Variants in COG4 observed in about 807,000 individuals in gnomAD.
COG4 encodes conserved oligomeric Golgi complex subunit 4.
COG4 carries 65 observed loss-of-function variants against 95.1 expected under a neutral mutation model. That is an observed-to-expected ratio of 0.68 (90% CI 0.56 to 0.84). The LOEUF (loss-of-function observed/expected upper bound fraction) is 0.84. COG4 is among the 40% of genes least tolerant of loss of function. The pLI, the probability that COG4 is intolerant of heterozygous loss-of-function variation, is 0.00. For missense variants in COG4, 1,045 were observed against 989.1 expected, an observed-to-expected ratio of 1.06 and a Z score of -0.76; for synonymous variants, 421 against 374.8, an observed-to-expected ratio of 1.12 and a Z score of -1.42.
At chr16:70,517,357 G>A (rs752025070) in intron 3 of COG4, among the ~76,000 whole-genome samples, 4 of 151,852 alleles carry the variant, frequency 2.6e-5, no homozygotes, top group Non-Finnish European at 2.9e-5. Context: ...ATGGCGAAAG[G>A]TGGAAGGATA....
intron 8 of COG4, among the ~76,000 whole-genome samples, chr16:70,503,600 T>TCCTCAGGAATTA (rs1243582031): frequency 5.4e-5 from 2 of 37,050 alleles, no homozygotes; most frequent in African/African-American, 6.9e-4. Context: ...TTACTCTTTT[T>TCCTCAGGAATTA]TTTTTTTTTT....
At chr16:70,517,791 C>T in intron 2 of COG4, 51 bp from the exon 3 acceptor site, 1 of 1,302,882 alleles carries the variant, frequency 7.7e-7, no homozygotes. Context: ...AGAGAAGAGA[C>T]AGAAACTTTT....
Position 70,482,711 on chromosome 16 carries a change from G to A in COG4, c.1920+18C>T. ...GAGGGGTCATCGGGGCTTGATGGCT[G>A]CCTGTGGCCAGGCTAACCTCCTCGA... On this transcript the variant is annotated intron_variant, in intron 15 of 18. Coordinates refer to ENST00000323786, the MANE Select transcript of COG4 (RefSeq NM_015386.3). 6.2e-7 allele frequency: 1 copy of A among 1,607,960 alleles called. No individual in the cohort carries two copies. Among genetic ancestry groups the A allele is most frequent in the Non-Finnish European group, 8.5e-7 (1 of 1,174,664 alleles).
rs1310467130 is a variant in COG4, at chr16:70,482,743, G to C, written c.1906C>G (p.His636Asp). Residue 636 changes from histidine (H) to aspartate (D), a missense_variant, in exon 15 of 19, where the codon CAC becomes GAC. Transcript: ENST00000323786. ...GCCAGGCTAACCTCCTCGATGTTGT[G>C]GGAGACGGAGAAAAAGCTGTTGATC... ...PWINSFFSVS[H>D]NIEEEEFNDY... The C allele has an allele frequency of 6.2e-7, 1 of 1,613,724 alleles. No homozygotes were observed. The highest frequency in any genetic ancestry group is 1.7e-5 in the Admixed American group (1 of 59,994).
intron 2 of COG4, among the ~76,000 whole-genome samples, chr16:70,518,422 G>C (rs1409604315): frequency 6.6e-6 from 1 of 151,590 alleles, no homozygotes; most frequent in Non-Finnish European, 1.5e-5. Flanking sequence ...GCAGTGGCAC[G>C]ATCATAGCTC....
intron 9 of COG4, among the ~76,000 whole-genome samples, chr16:70,499,282 T>C (rs929816287): frequency 2.0e-5 from 3 of 152,206 alleles, no homozygotes; most frequent in African/African-American, 4.8e-5. Flanking sequence ...AATTCATGAA[T>C]GGCTACGTAT....
chr16:70,505,810 AAG>A (rs1418780500), intron 8 of COG4, among the ~76,000 whole-genome samples: 2 of 151,482 alleles, frequency 1.3e-5, no homozygotes, highest in African/African-American at 4.9e-5. Flanking sequence ...GCCTGGGCGA[AAG>A]AGTGAGACTC....
At chr16:70,502,183 A>T (rs2049465918) in intron 8 of COG4, among the ~76,000 whole-genome samples, 1 of 147,972 alleles carries the variant, frequency 6.8e-6, no homozygotes, top group Admixed American at 6.8e-5. Flanking sequence ...TCGGGAGGCC[A>T]AGGCAGGAGA....
At chr16:70,506,613 A>AAAG (rs2049577152) in intron 8 of COG4, among the ~76,000 whole-genome samples, 1 of 60,730 alleles carries the variant, frequency 1.6e-5, no homozygotes, top group Non-Finnish European at 3.2e-5. Flanking sequence ...AAAAAAAAAA[A>AAAG]AAAACAAAAA....
intron 4 of COG4, 126 bp from the exon 5 acceptor site, chr16:70,512,558 G>C: frequency 1.3e-6 from 1 of 787,772 alleles, no homozygotes; most frequent in Non-Finnish European, 2.2e-6. Context: ...AAGATGCTGT[G>C]CTAGTAATAT....
At position 70,490,408 on chromosome 16, in the gene COG4, G is replaced by A; in HGVS notation, c.1648-16C>T. 6.2e-7 allele frequency: 1 copy of A among 1,611,366 alleles called. No individual in the cohort carries two copies. On this transcript the variant is annotated splice_polypyrimidine_tract_variant and intron_variant, in intron 12 of 18. Transcript: ENST00000323786. ...TCAGAGTCACCTGGGAGATGAGGAA[G>A]GAAGAACGTGACTTCCTGCTGACTG...
intron 13 of COG4, among the ~76,000 whole-genome samples, chr16:70,489,651 A>G (rs763492691): frequency 6.7e-6 from 1 of 149,726 alleles, no homozygotes; most frequent in Non-Finnish European, 1.5e-5. Context: ...TGTTAAGCTT[A>G]CAGGTATGAG....
intron 5 of COG4, among the ~76,000 whole-genome samples, chr16:70,511,167 CTG>C (rs1000740450): frequency 6.6e-6 from 1 of 152,214 alleles, no homozygotes; most frequent in African/African-American, 2.4e-5. Context: ...TTCTTCTAAC[CTG>C]TGTCTCTTAA....
chr16:70,491,727 G>C (rs1034863620), intron 12 of COG4, among the ~76,000 whole-genome samples: 1 of 151,218 alleles, frequency 6.6e-6, no homozygotes, highest in African/African-American at 2.4e-5. Context: ...GGGAGGCTGA[G>C]GCAGGAGAAT....
chr16:70,509,799 A>G, intron 6 of COG4, 117 bp downstream of exon 6: 1 of 772,292 alleles, frequency 1.3e-6, no homozygotes, highest in Non-Finnish European at 2.2e-6. Flanking sequence ...ATCAATTAAT[A>G]CACAATAAAC....
At chr16:70,511,549 T>TAAAA (rs752972070) in intron 5 of COG4, among the ~76,000 whole-genome samples, 1 of 135,872 alleles carries the variant, frequency 7.4e-6, no homozygotes, top group African/African-American at 2.7e-5. Flanking sequence ...ACCGTTTCTA[T>TAAAA]AAAAAAAAAA....
intron 8 of COG4, among the ~76,000 whole-genome samples, chr16:70,503,595 CTTTTT>C (rs67706790): frequency 0.46 from 57,857 of 125,580 alleles, 14,520 homozygotes; most frequent in South Asian, 0.65. Flanking sequence ...CCTACTTACT[CTTTTT>C]TTTTTTTTTT....
chr16:70,488,203 G>A (rs1258012503), intron 13 of COG4, among the ~76,000 whole-genome samples: 9 of 151,524 alleles, frequency 5.9e-5, no homozygotes, highest in East Asian at 1.9e-4. Flanking sequence ...GCGTGATCTC[G>A]ACTCACTGCA....
chr16:70,497,191 C>T, intron 11 of COG4, 30 bp downstream of exon 11: 1 of 1,610,156 alleles, frequency 6.2e-7, no homozygotes, highest in East Asian at 2.2e-5. Context: ...GGCCTTTCTG[C>T]CTAGAAAGGA....
Sources: allele counts gnomAD v4.1 joint callset (sites outside exome capture counted in the v4.1 genomes callset), GRCh38; gene constraint gnomAD v4.1.1; transcripts MANE v1.5; gene names NCBI Gene and HGNC (gene_info 2026-07-23, HGNC 2026-07-21).